The following PRKCZ variants were observed in gnomAD, a reference collection of about 807,000 sequenced individuals.
The protein encoded by PRKCZ is protein kinase C zeta, also known as protein kinase C zeta type.
Under a neutral mutation model 79.5 loss-of-function variants are expected in PRKCZ, and 33 were observed. The observed-to-expected ratio is 0.41, with a 90% CI of 0.31 to 0.55. The LOEUF (loss-of-function observed/expected upper bound fraction) is 0.55, where lower values mean the gene tolerates loss of function less well. PRKCZ is among the 20% of genes least tolerant of loss of function. The pLI is 0.19. For missense variants in PRKCZ, 578 were observed against 813.5 expected, an observed-to-expected ratio of 0.71 and a Z score of 3.52; for synonymous variants, 342 against 320.9, an observed-to-expected ratio of 1.07 and a Z score of -0.70.
At chr1:2,091,333 G>A (rs1220672115) in intron 4 of PRKCZ, among the ~76,000 whole-genome samples, 1 of 152,144 alleles carries the variant, frequency 6.6e-6, no homozygotes, top group Admixed American at 6.5e-5. Flanking sequence ...CACCGCGCCT[G>A]GCCTGTTTGT....
chr1:2,054,979 G>C lies in PRKCZ; in HGVS notation c.72-462G>C, dbSNP rs535352217. On this transcript the variant is annotated intron_variant, in intron 1 of 17. Transcript: ENST00000378567. ...TTTTTTTAATACGGAGTCTCTCTCTGTCGCCCAGGCTGGACTGCAGTGGCG... is the reference window on the plus strand; with the variant it reads ...TTTTTTTAATACGGAGTCTCTCTCTCTCGCCCAGGCTGGACTGCAGTGGCG... 4.8e-5 allele frequency among the ~76,000 whole-genome samples: 7 copies of C among 144,654 alleles called. No individual in the cohort carries two copies. The East Asian group carries it at 8.1e-4, about 17-fold the overall frequency. 94.9% of individuals were successfully genotyped at this position (144,654 alleles called of 152,430 possible).
At position 2,082,369 on chromosome 1, in the gene PRKCZ, G is replaced by A. The variant is rs749141284; in HGVS notation, c.334+22778G>A. The A allele has an allele frequency of 2.0e-5, 9 of 456,162 alleles. No individual in the cohort carries two copies. The highest frequency in any genetic ancestry group is 3.2e-4 in the Middle Eastern group (1 of 3,098). The allele number at this position is 456,162 out of a possible 1,614,324, so 28.3% of individuals were successfully genotyped here. ...TCAAGTTGCCGGCTACCCGGCTGCC[G>A]TAGACAGAGTGAAGTCTGGTAGTTT... On this transcript the variant is annotated intron_variant, in intron 4 of 17. Coordinates refer to ENST00000378567, the MANE Select transcript of PRKCZ (RefSeq NM_002744.6). The surrounding 1 kb of genome is among the most constrained non-coding windows in gnomAD (Gnocchi z 4.4).
chr1:2,121,388 T>A (rs1388142665), intron 4 of PRKCZ, among the ~76,000 whole-genome samples: 1 of 148,156 alleles, frequency 6.7e-6, no homozygotes. Flanking sequence ...GTTGAAGCCC[T>A]AACCCTCCAG....
At chr1:2,060,555 T>G (rs1405591870) in intron 4 of PRKCZ, among the ~76,000 whole-genome samples, 1 of 151,026 alleles carries the variant, frequency 6.6e-6, no homozygotes, top group Non-Finnish European at 1.5e-5. Flanking sequence ...GCGCTTAGCG[T>G]AGGGGAGGCC....
rs1367301382 is a variant in PRKCZ, at chr1:2,172,570, A to G, written c.1285+182A>G. ...TTATTTGAATTCTGGAAAACCTCCCATGTCCACTTGAGCAGCTCCTTGGGG... is the reference window on the plus strand; with the variant it reads ...TTATTTGAATTCTGGAAAACCTCCCGTGTCCACTTGAGCAGCTCCTTGGGG... On this transcript the variant is annotated intron_variant, in intron 13 of 17. Transcript: ENST00000378567. This position sits in a 1 kb window ranked among gnomAD's most constrained non-coding sequence, Gnocchi z 7.8. Among the ~76,000 whole-genome samples the G allele has an allele frequency of 6.6e-6, 1 of 152,158 alleles. No homozygotes were observed. Among genetic ancestry groups the G allele is most frequent in the Non-Finnish European group, 1.5e-5 (1 of 68,014 alleles).
intron 4 of PRKCZ, among the ~76,000 whole-genome samples, chr1:2,061,225 G>A (rs1307419618): frequency 3.3e-5 from 5 of 152,176 alleles, no homozygotes; most frequent in South Asian, 4.1e-4. Context: ...CCCTGGGCGC[G>A]GGGGAAGCCC....
chr1:2,134,571 T>A (rs1476358166), intron 4 of PRKCZ, among the ~76,000 whole-genome samples: 1 of 151,212 alleles, frequency 6.6e-6, no homozygotes, highest in Non-Finnish European at 1.5e-5. Flanking sequence ...ACAGTCCGCA[T>A]GGGCTGGACT....
chr1:2,153,069 C>A lies in PRKCZ; in HGVS notation c.876+2091C>A, dbSNP rs1317453763. On this transcript the variant is annotated intron_variant, in intron 9 of 17. Transcript: ENST00000378567. ...TGATGGGGACCTGCCAGGCTGCTTC[C>A]CACGCAGCCGCGCCGTTTCACCTCC... Among the ~76,000 whole-genome samples, 3 of 152,350 alleles carry A rather than the reference C, an allele frequency of 2.0e-5. No individual in the cohort carries two copies. The East Asian group carries it at 5.8e-4, about 29-fold the overall frequency.
intron 4 of PRKCZ, among the ~76,000 whole-genome samples, chr1:2,079,044 G>A (rs539990715): frequency 2.0e-4 from 31 of 152,218 alleles, no homozygotes; most frequent in Admixed American, 7.8e-4. Flanking sequence ...GGGTTTCACC[G>A]TGTTAGCCAG....
intron 4 of PRKCZ, among the ~76,000 whole-genome samples, chr1:2,065,376 T>C (rs1341365362): frequency 6.6e-6 from 1 of 152,154 alleles, no homozygotes; most frequent in East Asian, 1.9e-4. Flanking sequence ...CACTACTCTG[T>C]TGAATAAAAG....
intron 2 of PRKCZ, 37 bp from the exon 3 acceptor site, chr1:2,056,447 C>T (rs1557471643): frequency 6.3e-7 from 1 of 1,589,856 alleles, no homozygotes; most frequent in Non-Finnish European, 8.6e-7. Flanking sequence ...TGCCTCGGGC[C>T]TTCGGCGACG....
Position 2,124,332 on chromosome 1 carries a change from CGGTGGTGGTT to C in PRKCZ, c.335-10929_335-10920del, listed in dbSNP as rs1673391197. ...AGGGTCACGGTGGTGGTTAGGGTCA[CGGTGGTGGTT>C]AGGGTCACGGCGGTGGTTAGGGTCA... On this transcript the variant is annotated intron_variant, in intron 4 of 17. Transcript: ENST00000378567. Among the ~76,000 whole-genome samples the C allele has an allele frequency of 8.4e-4, 2 of 2,374 alleles. 1 individual carries two copies. The highest frequency in any genetic ancestry group is 3.0e-3 in the African/African-American group (2 of 660). The allele number at this position is 2,374 out of a possible 152,430, so 1.6% of individuals were successfully genotyped here. A position where few individuals can be genotyped will look rare whatever the true frequency, so the allele number is the denominator to read the frequency against.
At chr1:2,059,731 C>A in intron 4 of PRKCZ, 140 bp downstream of exon 4, 1 of 1,123,180 alleles carries the variant, frequency 8.9e-7, no homozygotes, top group Non-Finnish European at 1.3e-6. Context: ...CCGTGGTGAC[C>A]GCAGGTGGGG....
At chr1:2,133,738 C>A (rs1190484044) in intron 4 of PRKCZ, 1 of 152,626 alleles carries the variant, frequency 6.6e-6, no homozygotes, top group African/African-American at 2.4e-5. Flanking sequence ...TCCGTCTCCG[C>A]CGCTTCACAC....
At chr1:2,160,796 C>T (rs2103352711) in intron 10 of PRKCZ, among the ~76,000 whole-genome samples, 1 of 152,216 alleles carries the variant, frequency 6.6e-6, no homozygotes, top group Middle Eastern at 3.4e-3. Context: ...CAGAGCGGAG[C>T]CAGCCTGGAC....
intron 4 of PRKCZ, 59 bp downstream of exon 4, chr1:2,059,650 G>T (rs544652421): frequency 1.2e-6 from 2 of 1,602,954 alleles, no homozygotes; most frequent in Non-Finnish European, 1.7e-6. Flanking sequence ...CTGTTGATCC[G>T]TTGTGCCACG....
chr1:2,050,534 C>T lies in PRKCZ; in HGVS notation c.-97C>T. On this transcript the variant is annotated 5_prime_UTR_variant, in exon 1 of 18. Transcript: ENST00000378567. ...CGGCGCCGTCGGTCCTGAGCGCTGC[C>T]TTCCGCGTTCCGCCGCGGCCCCACC... 2.6e-6 allele frequency: 2 copies of T among 773,528 alleles called. No homozygotes were observed. Among genetic ancestry groups the T allele is most frequent in the Non-Finnish European group, 3.4e-6 (2 of 580,508 alleles). 47.9% of individuals were successfully genotyped at this position (773,528 alleles called of 1,614,324 possible).
intron 2 of PRKCZ, 120 bp downstream of exon 2, chr1:2,055,682 C>T (rs1355304775): frequency 2.1e-6 from 3 of 1,400,430 alleles, no homozygotes; most frequent in Non-Finnish European, 2.8e-6. Flanking sequence ...TGGAATTAAA[C>T]TTGTTGGCGC....
intron 4 of PRKCZ, among the ~76,000 whole-genome samples, chr1:2,130,115 A>G (rs1674671615): frequency 6.6e-6 from 1 of 152,128 alleles, no homozygotes; most frequent in Non-Finnish European, 1.5e-5. Context: ...CATATTGCCT[A>G]GGCTGGATTC....
Sources: allele counts gnomAD v4.1 joint callset (sites outside exome capture counted in the v4.1 genomes callset), GRCh38; gene constraint gnomAD v4.1.1; non-coding constraint Gnocchi (gnomAD v3.1); transcripts MANE v1.5; gene names NCBI Gene and HGNC (gene_info 2026-07-23, HGNC 2026-07-21).